The following TENM2 variants were observed in gnomAD, a reference collection of about 807,000 sequenced individuals.
The protein encoded by TENM2 is teneurin-2.
In TENM2, 52 loss-of-function variants were observed where a neutral mutation model predicts 245.2. That is an observed-to-expected ratio of 0.21 (90% confidence interval 0.17 to 0.27). The LOEUF (loss-of-function observed/expected upper bound fraction) is 0.27. Ranked by LOEUF, TENM2 falls within the 10% of genes least tolerant of loss-of-function variation. TENM2 has a pLI of 1.00. For missense variants in TENM2, 3,046 were observed against 3,666.8 expected (o/e 0.83, Z 4.37); for synonymous variants, 1,363 against 1,438.9 (o/e 0.95, Z 1.19).
At chr5:168,162,955 C>A (rs1157695903) in intron 13 of TENM2, among the ~76,000 whole-genome samples, 198 bp downstream of exon 15, 1 of 152,212 alleles carries the variant, frequency 6.6e-6, no homozygotes, top group Admixed American at 6.5e-5. Flanking sequence ...GCTGGAGGCA[C>A]TGGGGGTTGA....
chr5:167,199,241 G>C, the TENM2 span, among the ~76,000 whole-genome samples: 1 of 152,052 alleles, frequency 6.6e-6, no homozygotes, highest in African/African-American at 2.4e-5. Flanking sequence ...GAGTTGCTCT[G>C]TGTTTAAAGG....
the TENM2 span, among the ~76,000 whole-genome samples, chr5:167,019,193 T>C: frequency 1.1e-4 from 17 of 152,214 alleles, no homozygotes; most frequent in Non-Finnish European, 8.8e-5. Context: ...TCACTTGCAG[T>C]TGGGGGGAGG....
At chr5:168,214,360 G>C (rs558375690) in intron 20 of TENM2, among the ~76,000 whole-genome samples, 1 of 152,210 alleles carries the variant, frequency 6.6e-6, no homozygotes, top group Non-Finnish European at 1.5e-5. Flanking sequence ...CGTGGCTCAC[G>C]CCTGTGACCT....
chr5:167,144,285 G>A, the TENM2 span, among the ~76,000 whole-genome samples: 5 of 152,184 alleles, frequency 3.3e-5, no homozygotes, highest in Non-Finnish European at 7.3e-5. Flanking sequence ...GACAATCACG[G>A]ATCTGAGGAG....
At chr5:167,183,691 A>G in the TENM2 span, among the ~76,000 whole-genome samples, 1 of 152,096 alleles carries the variant, frequency 6.6e-6, no homozygotes, top group Non-Finnish European at 1.5e-5. Flanking sequence ...AGATTCTATG[A>G]TTCTGTAACA....
intron 5 of TENM2, among the ~76,000 whole-genome samples, chr5:168,018,132 T>C (rs895868377): frequency 6.6e-6 from 1 of 152,188 alleles, no homozygotes; most frequent in Non-Finnish European, 1.5e-5. Context: ...TTCATACGTG[T>C]TAATTGTTTT....
At chr5:167,371,884 A>T (rs1364703164) in intron 1 of TENM2, among the ~76,000 whole-genome samples, 6 of 152,174 alleles carry the variant, frequency 3.9e-5, no homozygotes, top group Non-Finnish European at 8.8e-5. Flanking sequence ...TCTCCTGAGT[A>T]TATGGCTCAC....
intron 3 of TENM2, among the ~76,000 whole-genome samples, chr5:167,929,045 AAAAGAAAG>A (rs60967021): frequency 6.4e-4 from 84 of 131,884 alleles, no homozygotes; most frequent in African/African-American, 2.4e-3. Flanking sequence ...AAGAAAAGAA[AAAAGAAAG>A]AAAGAGAGAA....
chr5:167,130,915 A>ATT, the TENM2 span, among the ~76,000 whole-genome samples: 7 of 137,434 alleles, frequency 5.1e-5, no homozygotes, highest in African/African-American at 2.2e-4. Flanking sequence ...TTTTTTTTAA[A>ATT]AAAAAAAAAG....
chr5:167,696,604 G>T (rs1757780383), intron 2 of TENM2, among the ~76,000 whole-genome samples: 1 of 152,162 alleles, frequency 6.6e-6, no homozygotes, highest in Non-Finnish European at 1.5e-5. Flanking sequence ...CAAATCAACA[G>T]AAATAGGAAA....
chr5:167,890,425 A>G (rs1774654948), intron 3 of TENM2, among the ~76,000 whole-genome samples: 1 of 152,184 alleles, frequency 6.6e-6, no homozygotes, highest in Non-Finnish European at 1.5e-5. Flanking sequence ...TATTTCAAGG[A>G]ACAAGATCAT....
At chr5:167,725,220 A>T (rs1431113949) in intron 2 of TENM2, among the ~76,000 whole-genome samples, 1 of 152,140 alleles carries the variant, frequency 6.6e-6, no homozygotes, top group African/African-American at 2.4e-5. Context: ...GATTTATGTA[A>T]GCATAACTCC....
At chr5:166,996,248 C>T in the TENM2 span, among the ~76,000 whole-genome samples, 4 of 152,052 alleles carry the variant, frequency 2.6e-5, no homozygotes, top group African/African-American at 9.7e-5. Context: ...GAGGGTGAGG[C>T]AGGAGAATGG....
At chr5:167,821,028 G>A (rs1278671059) in intron 2 of TENM2, 1 of 152,186 alleles carries the variant, frequency 6.6e-6, no homozygotes, top group Non-Finnish European at 1.5e-5. Context: ...TGATAGAAGT[G>A]AAGGAAAAGG....
intron 2 of TENM2, among the ~76,000 whole-genome samples, chr5:167,426,125 C>G (rs1763805645): frequency 6.6e-6 from 1 of 152,030 alleles, no homozygotes; most frequent in Admixed American, 6.6e-5. Flanking sequence ...CCCCAGACGC[C>G]AAGCCACAGA....
At chr5:168,157,435 C>T (rs1185287068) in intron 12 of TENM2, among the ~76,000 whole-genome samples, 1 of 152,008 alleles carries the variant, frequency 6.6e-6, no homozygotes, top group East Asian at 1.9e-4. Flanking sequence ...AGACTGGAGG[C>T]AGGGAGACCA....
intron 4 of TENM2, among the ~76,000 whole-genome samples, chr5:167,991,848 T>G (rs1783693190): frequency 6.6e-6 from 1 of 152,170 alleles, no homozygotes; most frequent in Admixed American, 6.5e-5. Flanking sequence ...ACAGGTTTTA[T>G]CGAAAGACAG....
chr5:167,507,222 C>G (rs1005477273), intron 2 of TENM2, among the ~76,000 whole-genome samples: 1 of 152,094 alleles, frequency 6.6e-6, no homozygotes, highest in East Asian at 1.9e-4. Flanking sequence ...TAAATGCAAT[C>G]TTATTTTTAA....
intron 2 of TENM2, among the ~76,000 whole-genome samples, chr5:167,836,684 T>G (rs189222678): frequency 3.0e-4 from 46 of 152,264 alleles, no homozygotes; most frequent in Middle Eastern, 3.4e-3. Context: ...GTTCATGTAC[T>G]ATAGGACTCA....
Sources: allele counts gnomAD v4.1 joint callset (sites outside exome capture counted in the v4.1 genomes callset), GRCh38; gene constraint gnomAD v4.1.1; transcripts MANE v1.5; gene names NCBI Gene and HGNC (gene_info 2026-07-23, HGNC 2026-07-21).